Variants in EIF5B observed in about 807,000 individuals in gnomAD.
The protein encoded by EIF5B is eIF-5B.
Under a neutral mutation model 147.5 loss-of-function variants are expected in EIF5B, and 47 were observed. The ratio of observed to expected loss-of-function variants is 0.32; its 90% CI spans 0.25 to 0.41. The LOEUF (loss-of-function observed/expected upper bound fraction) is 0.41. EIF5B is among the 10% of genes least tolerant of loss of function. EIF5B has a pLI of 1.00. For missense variants in EIF5B, 1,064 were observed against 1,413.2 expected (o/e 0.75, Z 3.96); for synonymous variants, 455 against 456.2 (o/e 1.00, Z 0.03).
intron 17 of EIF5B, 85 bp from the exon 18 acceptor site, chr2:99,392,882 T>TTTA: frequency 8.2e-7 from 1 of 1,223,964 alleles, no homozygotes; most frequent in Non-Finnish European, 1.1e-6. Flanking sequence ...CTCTCTCTAA[T>TTTA]ATCATGATGA....
At chr2:99,396,294 A>G (rs1285844591) in intron 21 of EIF5B, among the ~76,000 whole-genome samples, 1 of 152,192 alleles carries the variant, frequency 6.6e-6, no homozygotes, top group Non-Finnish European at 1.5e-5. Context: ...TTTTGGATCA[A>G]TGGTTTGGGA....
intron 9 of EIF5B, among the ~76,000 whole-genome samples, chr2:99,374,244 G>A (rs1477920268): frequency 2.1e-5 from 3 of 140,996 alleles, no homozygotes; most frequent in African/African-American, 5.4e-5. Context: ...AGCTGAGATT[G>A]CGCCACTGCA....
chr2:99,369,250 G>T lies in EIF5B; in HGVS notation c.1388-142G>T, dbSNP rs188348934. The T allele has an allele frequency of 5.3e-5, 23 of 437,642 alleles. No homozygotes were observed. The East Asian group carries it at 1.3e-3, about 25-fold the overall frequency. 27.1% of individuals were successfully genotyped at this position (437,642 alleles called of 1,614,324 possible). On this transcript the variant is annotated intron_variant, in intron 7 of 23. Transcript: ENST00000289371. The stretch of plus-strand genomic sequence containing the variant: ...GATTGTACCACTGCACTCCAGCCTG[G>T]GTGACAGAGCGAGACTCCATTTCAA...
chr2:99,386,403 G>C (rs145148019), intron 14 of EIF5B, among the ~76,000 whole-genome samples: 2 of 151,774 alleles, frequency 1.3e-5, no homozygotes, highest in African/African-American at 2.4e-5. Context: ...TTTTTCACTT[G>C]TATGTACTGC....
At chr2:99,372,868 A>T (rs534785036) in intron 9 of EIF5B, among the ~76,000 whole-genome samples, 23 of 152,086 alleles carry the variant, frequency 1.5e-4, no homozygotes, top group African/African-American at 5.5e-4. Flanking sequence ...ATTTTGTTCA[A>T]GTCTTTCATA....
At chr2:99,382,312 G>C in intron 13 of EIF5B, 86 bp downstream of exon 13, 1 of 1,127,356 alleles carries the variant, frequency 8.9e-7, no homozygotes, top group Non-Finnish European at 1.3e-6. Context: ...TAACCTTTGA[G>C]TAGTAATTTG....
intron 1 of EIF5B, among the ~76,000 whole-genome samples, chr2:99,340,855 C>G (rs564592270): frequency 1.3e-5 from 2 of 152,180 alleles, no homozygotes; most frequent in Non-Finnish European, 2.9e-5. Context: ...CTGCAACCTC[C>G]GCCTCCTGGG....
At chr2:99,371,819 A>G in intron 9 of EIF5B, 89 bp downstream of exon 9, 1 of 1,236,120 alleles carries the variant, frequency 8.1e-7, no homozygotes, top group South Asian at 1.8e-5. Flanking sequence ...TTGATTATGA[A>G]AGCCATATGA....
At chr2:99,368,435 A>G in intron 6 of EIF5B, 58 bp from the exon 7 acceptor site, 1 of 1,215,858 alleles carries the variant, frequency 8.2e-7, no homozygotes. Flanking sequence ...TTTAAATAGT[A>G]CTTCTCAGGT....
In EIF5B at chr2:99,394,593, A is replaced by AT. The variant is rs1215696690; in HGVS notation, c.3089+11dup. ...GTTGGAACATGACCCTCAGTAAGTA[A>AT]TTTCTCTTGCTATGAAGGCTTTCAT... is the stretch of plus-strand genomic sequence containing the variant. On this transcript the variant is annotated intron_variant, in intron 20 of 23. Coordinates refer to ENST00000289371, the MANE Select transcript of EIF5B (RefSeq NM_015904.4). 3.1e-6 allele frequency: 5 copies of AT among 1,614,100 alleles called. No individual in the cohort carries two copies.
chr2:99,344,145 C>T (rs573066251), intron 1 of EIF5B, among the ~76,000 whole-genome samples: 7 of 152,124 alleles, frequency 4.6e-5, no homozygotes, highest in Admixed American at 1.3e-4. Flanking sequence ...GGGTCTCGAT[C>T]TCCTGACCTC....
chr2:99,372,877 T>C (rs1276559389), intron 9 of EIF5B, among the ~76,000 whole-genome samples: 1 of 152,326 alleles, frequency 6.6e-6, no homozygotes, highest in East Asian at 1.9e-4. Context: ...AAGTCTTTCA[T>C]AGCGTTCTGA....
chr2:99,369,284 A>C, intron 7 of EIF5B, 108 bp from the exon 8 acceptor site: 2 of 774,602 alleles, frequency 2.6e-6, no homozygotes, highest in African/African-American at 1.8e-5. Flanking sequence ...AAAAAAATAA[A>C]AAATAAATAG....
intron 14 of EIF5B, among the ~76,000 whole-genome samples, chr2:99,386,457 G>T (rs1320423243): frequency 1.5e-5 from 2 of 133,790 alleles, no homozygotes; most frequent in Non-Finnish European, 3.1e-5. Context: ...CATTTTCTTT[G>T]TTTTGTTTTG....
At chr2:99,365,803 TAA>T (rs1231073089) in intron 6 of EIF5B, among the ~76,000 whole-genome samples, 2 of 152,060 alleles carry the variant, frequency 1.3e-5, no homozygotes, top group East Asian at 3.9e-4. Context: ...TATTGTCTAC[TAA>T]TAAGAATCCA....
chr2:99,346,513 T>G (rs188401549), intron 1 of EIF5B, among the ~76,000 whole-genome samples: 17 of 152,084 alleles, frequency 1.1e-4, no homozygotes, highest in Admixed American at 9.8e-4. Flanking sequence ...AGAGTTAACT[T>G]CTATGGAGTA....
At chr2:99,343,402 G>A (rs1425192513) in intron 1 of EIF5B, among the ~76,000 whole-genome samples, 1 of 151,826 alleles carries the variant, frequency 6.6e-6, no homozygotes, top group Non-Finnish European at 1.5e-5. Context: ...TTTCACAAAA[G>A]TTTTAAATTT....
intron 1 of EIF5B, among the ~76,000 whole-genome samples, chr2:99,355,766 C>A (rs1309942048): frequency 6.6e-6 from 1 of 151,876 alleles, no homozygotes; most frequent in African/African-American, 2.4e-5. Context: ...GCATGTGCCA[C>A]CACGTCCAGC....
intron 2 of EIF5B, 35 bp downstream of exon 2, chr2:99,360,396 G>C: frequency 6.3e-7 from 1 of 1,584,742 alleles, no homozygotes; most frequent in African/African-American, 1.4e-5. Context: ...ATTTTTATTT[G>C]TTTTGGTACT....
Sources: allele counts gnomAD v4.1 joint callset (sites outside exome capture counted in the v4.1 genomes callset), GRCh38; gene constraint gnomAD v4.1.1; transcripts MANE v1.5; gene names NCBI Gene and HGNC (gene_info 2026-07-23, HGNC 2026-07-21).